PDE11A: variants seen among roughly 807,000 people sequenced by gnomAD.
PDE11A encodes dual 3',5'-cyclic-AMP and -GMP phosphodiesterase 11A.
PDE11A carries 100 observed loss-of-function variants against 100.5 expected under a neutral mutation model. The observed-to-expected ratio is 1.00, with a 90% CI of 0.85 to 1.18. PDE11A has a LOEUF of 1.18. Among genes scored for constraint, PDE11A ranks in the 50% most tolerant of loss-of-function variants. The pLI is 0.00. For missense variants in PDE11A, 1,141 were observed against 1,152.6 expected, an observed-to-expected ratio of 0.99 and a Z score of 0.15; for synonymous variants, 381 against 420.8, an observed-to-expected ratio of 0.91 and a Z score of 1.16.
At chr2:177,844,461 C>T (rs1332332604) in intron 5 of PDE11A, among the ~76,000 whole-genome samples, 1 of 151,986 alleles carries the variant, frequency 6.6e-6, no homozygotes, top group Admixed American at 6.5e-5. Flanking sequence ...CAGACACAAA[C>T]ATTCAGACCA....
At chr2:177,670,525 T>A (rs1257635324) in intron 17 of PDE11A, among the ~76,000 whole-genome samples, 1 of 152,140 alleles carries the variant, frequency 6.6e-6, no homozygotes, top group African/African-American at 2.4e-5. Flanking sequence ...TAGCTGGATT[T>A]AAAAAAATAT....
intron 2 of PDE11A, among the ~76,000 whole-genome samples, chr2:177,971,703 G>A (rs2573086): frequency 0.027 from 4,158 of 152,164 alleles, 169 homozygotes; most frequent in African/African-American, 0.094. Flanking sequence ...TTTATAATAA[G>A]TCCCGTTATG....
At position 177,728,099 on chromosome 2, in the gene PDE11A, T is replaced by A; in HGVS notation, c.1862A>T (p.Asp621Val). Residue 621 changes from aspartate (D) to valine (V), a missense_variant, in exon 11 of 20, where the codon GAT (aspartate) becomes GTT (valine). By Grantham distance (152) the Asp-to-Val change is radical. Coordinates refer to ENST00000286063, the MANE Select transcript of PDE11A (RefSeq NM_016953.4). ...CCGGAGAGCAGCTGTGATCATGGCA[T>A]CAACGTCGAGAGAAAAGTCATCAAA... ...IHFDDFSLDV[D>V]AMITAALRMF... 1 of 1,612,550 alleles carries A rather than the reference T, an allele frequency of 6.2e-7. No individual in the cohort carries two copies. The highest frequency in any genetic ancestry group is 8.5e-7 in the Non-Finnish European group (1 of 1,178,708).
intron 10 of PDE11A, among the ~76,000 whole-genome samples, chr2:177,761,759 T>C (rs1266229874): frequency 6.6e-6 from 1 of 152,078 alleles, no homozygotes; most frequent in Non-Finnish European, 1.5e-5. Flanking sequence ...GGACAGGGAA[T>C]GGGCAGAAAA....
chr2:177,986,551 G>C (rs2085941941), intron 2 of PDE11A, among the ~76,000 whole-genome samples: 2 of 152,188 alleles, frequency 1.3e-5, no homozygotes, highest in South Asian at 4.2e-4. Flanking sequence ...GGATAATGGG[G>C]CCAGGCACAG....
intron 5 of PDE11A, among the ~76,000 whole-genome samples, chr2:177,845,640 A>G (rs1273768465): frequency 6.6e-6 from 1 of 152,160 alleles, no homozygotes; most frequent in Non-Finnish European, 1.5e-5. Flanking sequence ...GCGGCCGGGC[A>G]GAGGCTGCAA....
chr2:178,096,871 C>T (rs10432485), intron 2 of PDE11A, among the ~76,000 whole-genome samples: 62,344 of 151,826 alleles, frequency 0.41, 13,072 homozygotes, highest in African/African-American at 0.45. Context: ...TTAGCCATAG[C>T]TGAAACTGGA....
At chr2:177,963,902 T>G (rs1425987224) in intron 2 of PDE11A, among the ~76,000 whole-genome samples, 3 of 152,194 alleles carry the variant, frequency 2.0e-5, no homozygotes. Flanking sequence ...TCTGCTTTAC[T>G]CTGCCATGGC....
At chr2:177,715,745 TC>T (rs1233103879) in intron 12 of PDE11A, among the ~76,000 whole-genome samples, 1 of 152,226 alleles carries the variant, frequency 6.6e-6, no homozygotes, top group Non-Finnish European at 1.5e-5. Context: ...TGATTATAAT[TC>T]TTCTGAAAAT....
chr2:177,828,364 G>A lies in PDE11A; in HGVS notation c.1501-8069C>T, dbSNP rs141772263. Among the ~76,000 whole-genome samples, 264 of 152,138 alleles carry A rather than the reference G, an allele frequency of 1.7e-3. 4 individuals carry two copies. The highest frequency in any genetic ancestry group is 6.1e-3 in the African/African-American group (255 of 41,510). On this transcript the variant is annotated intron_variant, in intron 6 of 19. Coordinates refer to ENST00000286063, the MANE Select transcript of PDE11A (RefSeq NM_016953.4). The stretch of plus-strand genomic sequence containing the variant: ...ATATTGAACAATATTCAACAAGAAT[G>A]TCTATTATTTACTAAACATGGTTCT...
At chr2:177,663,123 C>CCAAT (rs1161437753) in intron 19 of PDE11A, among the ~76,000 whole-genome samples, 1 of 152,190 alleles carries the variant, frequency 6.6e-6, no homozygotes. Flanking sequence ...GAATTAAAAG[C>CCAAT]CAATGTACAA....
At chr2:177,909,633 T>C (rs78279114) in intron 2 of PDE11A, among the ~76,000 whole-genome samples, 3,453 of 152,320 alleles carry the variant, frequency 0.023, 111 homozygotes, top group African/African-American at 0.079. Context: ...ACTACTATTG[T>C]TATTATTAAT....
intron 2 of PDE11A, among the ~76,000 whole-genome samples, chr2:177,913,233 T>C (rs980032745): frequency 2.0e-5 from 3 of 152,232 alleles, no homozygotes; most frequent in Non-Finnish European, 4.4e-5. Context: ...TTTAGATTAA[T>C]AATTCTGGGG....
intron 2 of PDE11A, among the ~76,000 whole-genome samples, chr2:178,096,362 G>C (rs2087491604): frequency 1.3e-5 from 2 of 149,474 alleles, no homozygotes; most frequent in East Asian, 4.0e-4. Flanking sequence ...TTTACTAGAG[G>C]CAGGGTTTCA....
At chr2:177,838,607 G>A (rs2083441627) in intron 6 of PDE11A, among the ~76,000 whole-genome samples, 1 of 152,166 alleles carries the variant, frequency 6.6e-6, no homozygotes, top group Admixed American at 6.5e-5. Flanking sequence ...TCCCCCAGAG[G>A]CCTAGCTAAG....
chr2:177,796,701 G>A (rs1294870227), intron 9 of PDE11A, among the ~76,000 whole-genome samples: 1 of 152,190 alleles, frequency 6.6e-6, no homozygotes, highest in African/African-American at 2.4e-5. Flanking sequence ...TGGGCCTAAA[G>A]TGAATGTCAG....
chr2:177,647,891 G>A (rs1040188595), intron 19 of PDE11A, among the ~76,000 whole-genome samples: 2 of 152,070 alleles, frequency 1.3e-5, no homozygotes, highest in African/African-American at 2.4e-5. Context: ...TGGGAGGATC[G>A]CTTGAGACCA....
chr2:177,987,146 C>G (rs1233830785), intron 2 of PDE11A, among the ~76,000 whole-genome samples: 1 of 152,040 alleles, frequency 6.6e-6, no homozygotes, highest in Non-Finnish European at 1.5e-5. Context: ...GCCTGCAGTG[C>G]TATAGCCAAT....
intron 2 of PDE11A, among the ~76,000 whole-genome samples, chr2:178,081,701 A>G (rs1478045516): frequency 6.6e-6 from 1 of 152,204 alleles, no homozygotes; most frequent in Non-Finnish European, 1.5e-5. Context: ...TGTTTGTGGT[A>G]GTGACTTCAT....
Sources: allele counts gnomAD v4.1 joint callset (sites outside exome capture counted in the v4.1 genomes callset), GRCh38; gene constraint gnomAD v4.1.1; transcripts MANE v1.5; gene names NCBI Gene and HGNC (gene_info 2026-07-23, HGNC 2026-07-21).